Variants in TRIM46 observed in about 807,000 individuals in gnomAD.
TRIM46 encodes the protein tripartite motif-containing protein 46.
In TRIM46, 17 loss-of-function variants were observed where a neutral mutation model predicts 69.7. That is an observed-to-expected ratio of 0.24 (90% CI 0.17 to 0.37). The LOEUF (loss-of-function observed/expected upper bound fraction) is 0.37, where lower values mean the gene tolerates loss of function less well. Ranked by LOEUF, TRIM46 falls within the 10% of genes least tolerant of loss-of-function variation. The pLI, the probability that TRIM46 is intolerant of heterozygous loss-of-function variation, is 1.00. For synonymous variants in TRIM46, 391 were observed against 429.0 expected, an observed-to-expected ratio of 0.91 and a Z score of 1.09; for missense variants, 675 against 1,025.1, an observed-to-expected ratio of 0.66 and a Z score of 4.66.
At chr1:155,177,590 C>T (rs1288811569) in intron 5 of TRIM46, among the ~76,000 whole-genome samples, 4 of 152,204 alleles carry the variant, frequency 2.6e-5, no homozygotes, top group Non-Finnish European at 5.9e-5. Flanking sequence ...GAGGATGTCA[C>T]GCATTCCCAG....
At chr1:155,180,068 A>G (rs1666030110) in intron 8 of TRIM46, 134 bp downstream of exon 8, 1 of 1,079,148 alleles carries the variant, frequency 9.3e-7, no homozygotes, top group East Asian at 2.7e-5. Context: ...CTCTGGAGCT[A>G]GACTGCTTGG....
chr1:155,175,155 A>G lies in TRIM46; in HGVS notation c.64-231A>G. On this transcript the variant is annotated intron_variant, in intron 1 of 9. Coordinates refer to ENST00000334634, the MANE Select transcript of TRIM46 (RefSeq NM_025058.5). This position sits in a 1 kb window ranked among gnomAD's most constrained non-coding sequence, Gnocchi z 4.2. ...TGGGCTTGAGGCTGGAGCAGGCACA[A>G]GCTCCAACCGTCCCTCCTCTGGGCC... 2 of 1,396,726 alleles carry G rather than the reference A, an allele frequency of 1.4e-6. No individual in the cohort carries two copies. The highest frequency in any genetic ancestry group is 3.4e-5 in the South Asian group (2 of 59,696). The allele number at this position is 1,396,726 out of a possible 1,614,324, so 86.5% of individuals were successfully genotyped here.
At position 155,179,853 on chromosome 1, in the gene TRIM46, G is replaced by A; in HGVS notation, c.1507G>A (p.Val503Met). 1 of 1,611,826 alleles carries A rather than the reference G, an allele frequency of 6.2e-7. No individual in the cohort carries two copies. Among genetic ancestry groups the A allele is most frequent in the Non-Finnish European group, 8.5e-7 (1 of 1,178,396 alleles). ...LENPDTGSVYVLRVRGCNKAG... is the reference protein window; with the variant it reads ...LENPDTGSVYMLRVRGCNKAG... ...GAACCCCGACACGGGCTCTGTGTATGTGCTGCGTGTCCGCGGCTGCAACAA... is the reference window on the plus strand; with the variant it reads ...GAACCCCGACACGGGCTCTGTGTATATGCTGCGTGTCCGCGGCTGCAACAA... Residue 503 changes from valine (V) to methionine (M), a missense_variant, in exon 8 of 10, where the codon GTG (valine) becomes ATG (methionine). By Grantham distance (21) the Val-to-Met change is conservative. This residue lies in a region of TRIM46 where 361 missense variants were observed against 498.3 expected (regional missense o/e 0.72). Transcript: ENST00000334634.
In TRIM46 at chr1:155,175,716, A is replaced by G. The variant is rs781197411; in HGVS notation, c.325+69A>G. 7.5e-6 allele frequency: 12 copies of G among 1,608,870 alleles called. No individual in the cohort carries two copies. The East Asian group carries it at 8.9e-5, about 12-fold the overall frequency. ...TTCATCAGGAAGATGGAAGAAGTCC[A>G]TCACTGGTCAGAGGCATCTGTCTGT... On this transcript the variant is annotated intron_variant, in intron 2 of 9. Transcript: ENST00000334634. The surrounding 1 kb of genome is among the most constrained non-coding windows in gnomAD (Gnocchi z 4.2).
At chr1:155,178,980 C>T (rs1374982234) in intron 7 of TRIM46, 7 of 548,900 alleles carry the variant, frequency 1.3e-5, no homozygotes, top group African/African-American at 5.8e-5. Context: ...CGTGGTCCTC[C>T]CACTGGACCA....
Position 155,181,748 on chromosome 1 carries a change from G to T in TRIM46, c.1589-104G>T, listed in dbSNP as rs1666188156. 1.1e-5 allele frequency: 14 copies of T among 1,302,026 alleles called. No individual in the cohort carries two copies. The highest frequency in any genetic ancestry group is 1.4e-5 in the Non-Finnish European group (13 of 941,672). The allele number at this position is 1,302,026 out of a possible 1,614,324, so 80.7% of individuals were successfully genotyped here. On this transcript the variant is annotated intron_variant, in intron 8 of 9. Coordinates refer to ENST00000334634, the MANE Select transcript of TRIM46 (RefSeq NM_025058.5). This position sits in a 1 kb window ranked among gnomAD's most constrained non-coding sequence, Gnocchi z 4.3. ...AACCCCCTGCCTGTTCCTGGTGACT[G>T]AACCCCCTTGCAACGCGTTCCCTGT...
intron 8 of TRIM46, 24 bp downstream of exon 8, chr1:155,179,958 C>G (rs780751067): frequency 6.4e-7 from 1 of 1,555,726 alleles, no homozygotes; most frequent in African/African-American, 1.3e-5. Flanking sequence ...CACAGGTGGT[C>G]GTGCAAAGGG....
chr1:155,174,795 G>A (rs980535618), intron 1 of TRIM46: 36 of 1,456,036 alleles, frequency 2.5e-5, no homozygotes, highest in Admixed American at 1.3e-4. Context: ...TGCGCTGCGG[G>A]AGAGGGCGGG....
intron 5 of TRIM46, 97 bp downstream of exon 5, chr1:155,177,387 T>C: frequency 3.7e-6 from 4 of 1,092,488 alleles, no homozygotes; most frequent in African/African-American, 3.1e-5. Context: ...TGTTGCTAGC[T>C]CAGGAAGCCC....
chr1:155,173,891 G>A lies in TRIM46; in HGVS notation c.-76G>A, dbSNP rs1665390047. ...CCCAGCCCTCCTCACACCCCCACTG[G>A]GCTCCTGCATTAAGCCCGGGGTTCG... On this transcript the variant is annotated 5_prime_UTR_variant, in exon 1 of 10. Coordinates refer to ENST00000334634, the MANE Select transcript of TRIM46 (RefSeq NM_025058.5). The A allele has an allele frequency of 2.1e-6, 3 of 1,457,892 alleles. No homozygotes were observed. Among genetic ancestry groups the A allele is most frequent in the South Asian group, 2.4e-5 (2 of 82,232 alleles). 90.3% of individuals were successfully genotyped at this position (1,457,892 alleles called of 1,614,324 possible). A position where few individuals can be genotyped will look rare whatever the true frequency, so the allele number is the denominator to read the frequency against.
intron 1 of TRIM46, 30 bp downstream of exon 1, chr1:155,174,059 A>C: frequency 6.5e-7 from 1 of 1,550,032 alleles, no homozygotes; most frequent in Non-Finnish European, 8.7e-7. Context: ...AGGGAAGGGG[A>C]GGGGGCGTAT....
intron 7 of TRIM46, 160 bp downstream of exon 7, chr1:155,178,773 G>A (rs553621506): frequency 7.0e-6 from 7 of 1,006,578 alleles, no homozygotes; most frequent in South Asian, 4.2e-5. Flanking sequence ...CCGTCCTACC[G>A]CGCTCAGCGC....
At position 155,183,926 on chromosome 1, in the gene TRIM46, G is replaced by T; in HGVS notation, c.2016G>T (p.Gly672=). ...LLGSGASSNA[G]LTGRDGPTAG... ...GGTCGGGGGCAAGCTCAAACGCAGG[G>T]CTGACAGGGAGGGATGGCCCCACAG... The change falls in exon 10 of 10, where the codon GGG becomes GGT. Residue 672 remains glycine, a synonymous_variant. Coordinates refer to ENST00000334634, the MANE Select transcript of TRIM46 (RefSeq NM_025058.5). 1 of 1,613,944 alleles carries T rather than the reference G, an allele frequency of 6.2e-7. No individual in the cohort carries two copies. Among genetic ancestry groups the T allele is most frequent in the Non-Finnish European group, 8.5e-7 (1 of 1,180,042 alleles).
At chr1:155,174,892 C>T (rs974141761) in intron 1 of TRIM46, 5 of 1,407,154 alleles carry the variant, frequency 3.6e-6, no homozygotes, top group Non-Finnish European at 2.8e-6. Context: ...TGGCCGCAGG[C>T]CGGAGCTGCG....
chr1:155,180,629 G>T, intron 8 of TRIM46: 1 of 180,516 alleles, frequency 5.5e-6, no homozygotes, highest in Non-Finnish European at 1.1e-5. Flanking sequence ...AATAAATAAA[G>T]GCCAGGCAAG....
At chr1:155,174,990 AG>A (rs1197174159) in intron 1 of TRIM46, 1 of 1,378,678 alleles carries the variant, frequency 7.3e-7, no homozygotes, top group African/African-American at 1.5e-5. Context: ...CTGCTAGAGA[AG>A]GGAGTGGGGG....
chr1:155,174,457 C>G, intron 1 of TRIM46: 1 of 1,396,384 alleles, frequency 7.2e-7, no homozygotes, highest in Non-Finnish European at 9.3e-7. Flanking sequence ...CCCAAGACCC[C>G]ACCCCACGCA....
intron 7 of TRIM46, chr1:155,178,826 C>T (rs747169466): frequency 1.4e-6 from 2 of 1,472,134 alleles, no homozygotes; most frequent in South Asian, 2.4e-5. Flanking sequence ...CCACCGCGGA[C>T]TCTGCTCCGG....
chr1:155,176,829 TC>T (rs1443751513), intron 3 of TRIM46, 102 bp from the exon 4 acceptor site: 19 of 1,438,714 alleles, frequency 1.3e-5, no homozygotes, highest in Non-Finnish European at 1.7e-5. Context: ...ATGTCTCCAC[TC>T]CCATCTTGCC....
Sources: allele counts gnomAD v4.1 joint callset (sites outside exome capture counted in the v4.1 genomes callset), GRCh38; gene constraint gnomAD v4.1.1; regional missense constraint gnomAD v4.1.1; non-coding constraint Gnocchi (gnomAD v3.1); transcripts MANE v1.5; gene names NCBI Gene and HGNC (gene_info 2026-07-23, HGNC 2026-07-21).